DROSHA: variants seen among roughly 807,000 people sequenced by gnomAD.
DROSHA encodes the protein ribonuclease 3.
DROSHA carries 56 observed loss-of-function variants against 181.9 expected under a neutral mutation model. That is an observed-to-expected ratio of 0.31 (90% CI 0.25 to 0.38). DROSHA has a LOEUF of 0.38. DROSHA is among the 10% of genes least tolerant of loss of function. The pLI, the probability that DROSHA is intolerant of heterozygous loss-of-function variation, is 1.00. For synonymous variants in DROSHA, 524 were observed against 591.2 expected (o/e 0.89, Z 1.65); for missense variants, 1,218 against 1,743.5 (o/e 0.70, Z 5.37).
At chr5:31,499,895 AG>A (rs1369442543) in intron 11 of DROSHA, among the ~76,000 whole-genome samples, 1 of 152,226 alleles carries the variant, frequency 6.6e-6, no homozygotes, top group African/African-American at 2.4e-5. Flanking sequence ...GAAAGCCAGA[AG>A]AAACTCTCAC....
intron 9 of DROSHA, among the ~76,000 whole-genome samples, chr5:31,510,150 C>G (rs1378587602): frequency 6.6e-6 from 1 of 151,252 alleles, no homozygotes; most frequent in Non-Finnish European, 1.5e-5. Context: ...ATAAATTAAT[C>G]CTATAAGAGA....
chr5:31,487,540 C>T (rs1422810735), intron 13 of DROSHA, among the ~76,000 whole-genome samples: 1 of 152,108 alleles, frequency 6.6e-6, no homozygotes, highest in African/African-American at 2.4e-5. Context: ...CCCAGAAGTC[C>T]CAGAGACGCG....
chr5:31,452,533 A>T (rs1286612147), intron 20 of DROSHA, among the ~76,000 whole-genome samples: 1 of 152,058 alleles, frequency 6.6e-6, no homozygotes, highest in Admixed American at 6.5e-5. Context: ...AGAGAATGTA[A>T]GGAGTCATTC....
At chr5:31,462,231 T>C (rs1444627864) in intron 20 of DROSHA, among the ~76,000 whole-genome samples, 1 of 152,168 alleles carries the variant, frequency 6.6e-6, no homozygotes. Context: ...ACAATTTACA[T>C]GCTTTATCAA....
Position 31,401,468 on chromosome 5 carries a change from C to G in DROSHA, c.4089G>C (p.Glu1363Asp). 6.2e-7 allele frequency: 1 copy of G among 1,613,268 alleles called. No homozygotes were observed. The part of the protein sequence containing the change: ...KEMRWEREHQ[E>D]REPDETEDIK... ...TGTCTTCAGTCTCATCTGGCTCTCT[C>G]TCTTGATGCTCTCTTTCCCACCTCA... Residue 1363 changes from glutamate (E) to aspartate (D), a missense_variant, in exon 36 of 36, where the codon GAG becomes GAC. Coordinates refer to ENST00000344624, the MANE Select transcript of DROSHA (RefSeq NM_001382508.1).
chr5:31,488,144 C>T (rs547734495), intron 13 of DROSHA, among the ~76,000 whole-genome samples: 4 of 152,200 alleles, frequency 2.6e-5, no homozygotes, highest in African/African-American at 9.6e-5. Context: ...GGGCCGGGCA[C>T]GGTGGCTTAT....
intron 13 of DROSHA, among the ~76,000 whole-genome samples, chr5:31,491,183 G>GT (rs1752357373): frequency 8.9e-6 from 1 of 112,082 alleles, no homozygotes; most frequent in South Asian, 2.8e-4. Flanking sequence ...CTTGTCCAAG[G>GT]TTAAAAAAAA....
At chr5:31,510,263 GA>G (rs1174498491) in intron 9 of DROSHA, among the ~76,000 whole-genome samples, 12 of 152,256 alleles carry the variant, frequency 7.9e-5, no homozygotes, top group Admixed American at 7.8e-4. Context: ...TTACAAATGG[GA>G]AAAATCTAAG....
chr5:31,494,451 T>C (rs1030948417), intron 12 of DROSHA, among the ~76,000 whole-genome samples: 4 of 152,180 alleles, frequency 2.6e-5, no homozygotes, highest in African/African-American at 9.7e-5. Flanking sequence ...TTATTGTTAA[T>C]TTATATTTGA....
At chr5:31,449,602 C>T (rs1356973959) in intron 21 of DROSHA, among the ~76,000 whole-genome samples, 183 bp from the exon 22 acceptor site, 1 of 152,128 alleles carries the variant, frequency 6.6e-6, no homozygotes, top group African/African-American at 2.4e-5. Context: ...TGGCACCTGA[C>T]TGGAGTCCCA....
rs1226277941 is a variant in DROSHA, at chr5:31,479,878, G to C, written c.2071+3676C>G. 2.0e-5 allele frequency among the ~76,000 whole-genome samples: 3 copies of C among 151,836 alleles called. No homozygotes were observed. The East Asian group carries it at 5.8e-4, about 29-fold the overall frequency. On this transcript the variant is annotated intron_variant, in intron 16 of 35. Transcript: ENST00000344624. The stretch of plus-strand genomic sequence containing the variant: ...ATACCAGGTGGAATTCTGGCTGTGT[G>C]TATATTAAGCTTTGTAGACACTTTC...
rs74692767 is a variant in DROSHA at position 31,527,331 on chromosome 5, C to T, written c.21-419G>A. On this transcript the variant is annotated intron_variant, in intron 4 of 35. Transcript: ENST00000344624. ...AATGCAGATTTGGGATTACCACCCC[C>T]CCTCTGCAATCCTCCACCTCTCCCT... Among the ~76,000 whole-genome samples, 337 of 152,312 alleles carry T rather than the reference C, an allele frequency of 2.2e-3. 1 individual carries two copies. The highest frequency in any genetic ancestry group is 7.4e-3 in the African/African-American group (307 of 41,562).
Position 31,468,013 on chromosome 5 carries a change from G to C in DROSHA, c.2292C>G (p.Pro764=), listed in dbSNP as rs184024980. Reference sequence around the variant, plus strand: ...CGATAATCGGAAAAGTAATCACATCGGGGTTGAACTGTTCACGATCCAGTT... The same window carrying C: ...CGATAATCGGAAAAGTAATCACATCCGGGTTGAACTGTTCACGATCCAGTT... ...IDQLDREQFN[P]DVITFPIIVH... The change falls in exon 18 of 36, where the codon CCC becomes CCG. Residue 764 remains proline, a synonymous_variant. Transcript: ENST00000344624. 1 of 1,611,808 alleles carries C rather than the reference G, an allele frequency of 6.2e-7. No homozygotes were observed. The highest frequency in any genetic ancestry group is 8.5e-7 in the Non-Finnish European group (1 of 1,178,972).
At chr5:31,448,705 A>G in intron 22 of DROSHA, 98 bp from the exon 23 acceptor site, 1 of 893,896 alleles carries the variant, frequency 1.1e-6, no homozygotes. Flanking sequence ...TCTCAATGTG[A>G]TTTTAAAAGG....
chr5:31,469,180 AACCCC>A (rs1749451981), intron 17 of DROSHA, among the ~76,000 whole-genome samples: 1 of 152,190 alleles, frequency 6.6e-6, no homozygotes, highest in Non-Finnish European at 1.5e-5. Flanking sequence ...AACATAGTGA[AACCCC>A]ATCTCTACTA....
At position 31,470,757 on chromosome 5, in the gene DROSHA, T is replaced by C. The variant is rs919622218; in HGVS notation, c.2241+1306A>G. On this transcript the variant is annotated intron_variant, in intron 17 of 35. Coordinates refer to ENST00000344624, the MANE Select transcript of DROSHA (RefSeq NM_001382508.1). This position sits in a 1 kb window ranked among gnomAD's most constrained non-coding sequence, Gnocchi z 4.0. Reference sequence around the variant, plus strand: ...TCTAGATTTCAGGAAAACGTAACTATACCATGGAAGGAAGTCCAGGGTGAA... The same window carrying C: ...TCTAGATTTCAGGAAAACGTAACTACACCATGGAAGGAAGTCCAGGGTGAA... Among the ~76,000 whole-genome samples the C allele has an allele frequency of 4.6e-5, 7 of 152,074 alleles. No homozygotes were observed. The highest frequency in any genetic ancestry group is 1.4e-4 in the African/African-American group (6 of 41,402).
At chr5:31,503,964 G>T (rs1737610356) in intron 11 of DROSHA, among the ~76,000 whole-genome samples, 1 of 152,148 alleles carries the variant, frequency 6.6e-6, no homozygotes, top group African/African-American at 2.4e-5. Context: ...TATAAAGTGA[G>T]GAGCTTGGGA....
chr5:31,489,706 T>A (rs1314955400), intron 13 of DROSHA, among the ~76,000 whole-genome samples: 2 of 152,034 alleles, frequency 1.3e-5, no homozygotes, highest in African/African-American at 4.8e-5. Context: ...TCTCCAAACC[T>A]CCATCTTCTA....
At chr5:31,480,984 T>C (rs1750968162) in intron 16 of DROSHA, among the ~76,000 whole-genome samples, 1 of 152,198 alleles carries the variant, frequency 6.6e-6, no homozygotes, top group South Asian at 2.1e-4. Context: ...TCTTTAAAAA[T>C]ATCCATCTGC....
Sources: gnomAD v4.1 joint callset for allele counts (sites outside exome capture counted in the v4.1 genomes callset) on GRCh38, gnomAD v4.1.1 for gene constraint, Gnocchi (gnomAD v3.1) non-coding constraint, MANE v1.5 for transcripts, NCBI Gene and HGNC (gene_info 2026-07-23, HGNC 2026-07-21) for gene names.